GALNS: variants seen among roughly 807,000 people sequenced by gnomAD.
GALNS encodes the protein N-acetylgalactosamine-6-sulfatase.
Under a neutral mutation model 65.9 loss-of-function variants are expected in GALNS, and 65 were observed. The ratio of observed to expected loss-of-function variants is 0.99; its 90% confidence interval spans 0.81 to 1.21. The LOEUF (loss-of-function observed/expected upper bound fraction) is 1.21. Among genes scored for constraint, GALNS ranks in the 50% most tolerant of loss-of-function variants. The probability of loss-of-function intolerance (pLI) is 0.00; values close to 1 mark genes in which losing one functional copy is unlikely to be tolerated. For synonymous variants in GALNS, 346 were observed against 288.9 expected (o/e 1.20, Z -2.00); for missense variants, 776 against 700.7 (o/e 1.11, Z -1.21).
intron 11 of GALNS, 69 bp from the exon 12 acceptor site, chr16:88,822,779 C>T (rs1171722289): frequency 1.2e-5 from 19 of 1,571,044 alleles, no homozygotes; most frequent in African/African-American, 4.1e-5. Flanking sequence ...CTCGTCTGCC[C>T]GTGTCCTGGA....
chr16:88,813,815 C>G lies in GALNS; in HGVS notation c.*624G>C, dbSNP rs1207986798. 1.3e-5 allele frequency: 2 copies of G among 155,924 alleles called. No homozygotes were observed. The highest frequency in any genetic ancestry group is 6.2e-5 in the Admixed American group (1 of 16,136). 9.7% of individuals were successfully genotyped at this position (155,924 alleles called of 1,614,324 possible). On this transcript the variant is annotated 3_prime_UTR_variant, in exon 14 of 14. Transcript: ENST00000268695. The stretch of plus-strand genomic sequence containing the variant: ...CAATGATAAGAAGCTACACGCCTCC[C>G]TCATAATTAGCGTCCAGGGAAATTC...
At chr16:88,850,256 C>A (rs984654465) in intron 1 of GALNS, among the ~76,000 whole-genome samples, 2 of 152,182 alleles carry the variant, frequency 1.3e-5, no homozygotes, top group Non-Finnish European at 2.9e-5. Flanking sequence ...GGGAGTGAGG[C>A]CGCACATCTG....
chr16:88,843,829 C>T (rs1252364386), intron 1 of GALNS: 1 of 153,414 alleles, frequency 6.5e-6, no homozygotes, highest in Non-Finnish European at 1.5e-5. Flanking sequence ...ACCCAACCAT[C>T]GAAAGGAAGG....
intron 9 of GALNS, 111 bp downstream of exon 9, chr16:88,831,887 T>G: frequency 1.1e-6 from 1 of 873,684 alleles, no homozygotes; most frequent in Non-Finnish European, 1.8e-6. Flanking sequence ...AGGAGAGCGG[T>G]GAGGATGAGC....
At position 88,824,872 on chromosome 16, in the gene GALNS, G is replaced by T. The variant is rs1482051977; in HGVS notation, c.1140-3C>A. 3 of 1,612,698 alleles carry T rather than the reference G, an allele frequency of 1.9e-6. No homozygotes were observed. The East Asian group carries it at 6.7e-5, about 36-fold the overall frequency. On this transcript the variant is annotated splice_region_variant and splice_polypyrimidine_tract_variant and intron_variant, in intron 10 of 13. Transcript: ENST00000268695. Reference sequence around the variant, plus strand: ...CGCCACGGTAATAGAAGATAGGCCTGTGGGATGGGAGGGGAGGACCATGTA... The same window carrying T: ...CGCCACGGTAATAGAAGATAGGCCTTTGGGATGGGAGGGGAGGACCATGTA...
chr16:88,843,155 C>G, intron 1 of GALNS: 1 of 1,410,742 alleles, frequency 7.1e-7, no homozygotes, highest in African/African-American at 1.4e-5. Context: ...CAGCCTGACA[C>G]CAGCATCTGC....
chr16:88,817,982 G>A (rs528096669), intron 13 of GALNS, 25 bp downstream of exon 13: 19 of 1,546,042 alleles, frequency 1.2e-5, no homozygotes, highest in Middle Eastern at 3.4e-4. Context: ...GCAAAGAGAC[G>A]GCCGCCCACA....
chr16:88,824,901 A>T (rs748367839), intron 10 of GALNS, 32 bp from the exon 11 acceptor site: 1 of 1,591,948 alleles, frequency 6.3e-7, no homozygotes, highest in Non-Finnish European at 8.6e-7. Flanking sequence ...CCATGTAATG[A>T]CAGGAAGGAC....
intron 1 of GALNS, 184 bp from the exon 2 acceptor site, chr16:88,843,013 T>A (rs1036445751): frequency 6.6e-7 from 1 of 1,525,852 alleles, no homozygotes; most frequent in African/African-American, 1.4e-5. Context: ...ATGGGGCCGC[T>A]CCACGCCAGC....
At chr16:88,826,111 C>A (rs1336370205) in intron 10 of GALNS, among the ~76,000 whole-genome samples, 1 of 136,334 alleles carries the variant, frequency 7.3e-6, no homozygotes, top group Non-Finnish European at 1.5e-5. Flanking sequence ...CATGAGGCAC[C>A]AAAAACCAGG....
chr16:88,837,860 T>C, intron 4 of GALNS, 95 bp from the exon 5 acceptor site: 1 of 1,337,918 alleles, frequency 7.5e-7, no homozygotes, highest in Admixed American at 1.7e-5. Context: ...AAATTCTTGG[T>C]AAGACGAGCA....
At chr16:88,839,510 C>G (rs563712382) in intron 4 of GALNS, among the ~76,000 whole-genome samples, 3 of 152,384 alleles carry the variant, frequency 2.0e-5, no homozygotes, top group Non-Finnish European at 2.9e-5. Context: ...CCCTGCCCTG[C>G]ACACCCGCGT....
intron 10 of GALNS, among the ~76,000 whole-genome samples, chr16:88,825,599 TGTCTGGGGTGCCTGGGC>T (rs1435606430): frequency 7.7e-6 from 1 of 129,506 alleles, no homozygotes; most frequent in Non-Finnish European, 1.7e-5. Flanking sequence ...GGTGCCTGGG[TGTCTGGGGTGCCTGGGC>T]GGCCGGGGCT....
At chr16:88,847,221 A>G (rs1187575604) in intron 1 of GALNS, among the ~76,000 whole-genome samples, 3 of 152,116 alleles carry the variant, frequency 2.0e-5, no homozygotes, top group African/African-American at 7.2e-5. Flanking sequence ...AAATCAAAAA[A>G]TCAGCTGGGC....
Position 88,854,316 on chromosome 16 carries a change from C to T in GALNS, c.120+2442G>A, listed in dbSNP as rs549758693. On this transcript the variant is annotated intron_variant, in intron 1 of 13. Transcript: ENST00000268695. ...TGTGGACAGGGCTGCGGAGGAAGCCCCGGACTCCAAGGAGAGAAGACAGCC... is the reference window on the plus strand; with the variant it reads ...TGTGGACAGGGCTGCGGAGGAAGCCTCGGACTCCAAGGAGAGAAGACAGCC... Among the ~76,000 whole-genome samples, 5 of 152,318 alleles carry T rather than the reference C, an allele frequency of 3.3e-5. No homozygotes were observed. In the South Asian group the frequency reaches 1.0e-3, roughly 32 times the overall value.
In GALNS at chr16:88,826,672, G is replaced by A. The variant is rs373192462; in HGVS notation, c.1139+30C>T. 3.2e-5 allele frequency: 51 copies of A among 1,604,064 alleles called. 1 individual carries two copies. The highest frequency in any genetic ancestry group is 1.3e-4 in the African/African-American group (10 of 74,786). On this transcript the variant is annotated intron_variant, in intron 10 of 13. Coordinates refer to ENST00000268695, the MANE Select transcript of GALNS (RefSeq NM_000512.5). ...TCTGGGCTTCACTACTTGGATCGGG[G>A]GAAGGGGCCGGGGCAGGTCTAGCAC...
At chr16:88,834,839 G>C (rs1008713965) in intron 8 of GALNS, among the ~76,000 whole-genome samples, 3 of 152,174 alleles carry the variant, frequency 2.0e-5, no homozygotes, top group Non-Finnish European at 4.4e-5. Context: ...TCACAGGGCT[G>C]CTCGGGGTCT....
At chr16:88,819,779 C>T (rs750307688) in intron 12 of GALNS, among the ~76,000 whole-genome samples, 3 of 152,054 alleles carry the variant, frequency 2.0e-5, no homozygotes, top group Admixed American at 6.5e-5. Flanking sequence ...CTGCAACCTC[C>T]GCCTCCCTGG....
intron 13 of GALNS, chr16:88,816,918 C>G: frequency 2.0e-6 from 2 of 985,476 alleles, no homozygotes; most frequent in Non-Finnish European, 1.2e-6. Flanking sequence ...CCCGTGTAAA[C>G]AGGTGAGCGA....
Sources: gnomAD v4.1 joint callset for allele counts (sites outside exome capture counted in the v4.1 genomes callset) on GRCh38, gnomAD v4.1.1 for gene constraint, MANE v1.5 for transcripts, NCBI Gene and HGNC (gene_info 2026-07-23, HGNC 2026-07-21) for gene names.